The following PRKCQ variants were observed in gnomAD, a reference collection of about 807,000 sequenced individuals.
PRKCQ encodes protein kinase C theta, also known as protein kinase C theta type.
In PRKCQ, 41 loss-of-function variants were observed where a neutral mutation model predicts 91.2. The ratio of observed to expected loss-of-function variants is 0.45; its 90% CI spans 0.35 to 0.58. PRKCQ has a LOEUF of 0.58. Among genes scored for constraint, PRKCQ ranks in the 20% least tolerant of loss-of-function variants. The pLI is 0.00. For missense variants in PRKCQ, 673 were observed against 896.5 expected (o/e 0.75, Z 3.18); for synonymous variants, 307 against 316.9 (o/e 0.97, Z 0.33).
At chr10:6,405,130 C>T in the PRKCQ span, among the ~76,000 whole-genome samples, 10 of 152,168 alleles carry the variant, frequency 6.6e-5, no homozygotes, top group South Asian at 2.1e-4. Flanking sequence ...CACAGGTGCA[C>T]GCCACCACAC....
chr10:6,464,315 C>T lies in PRKCQ; in HGVS notation c.1443G>A (p.Ala481=), dbSNP rs189124512. 2.4e-5 allele frequency: 38 copies of T among 1,612,902 alleles called. No homozygotes were observed. The highest frequency in any genetic ancestry group is 1.5e-4 in the Admixed American group (9 of 59,762). The change falls in exon 13 of 18, where the codon GCG becomes GCA. Residue 481 remains alanine (A), a splice_region_variant and synonymous_variant. Transcript: ENST00000263125. Reference sequence around the variant, plus strand: ...CCAAACCCTTTAAAGCCTCTTACGTCGCTCTGGAAAGGTCGAACTTGTGGC... The same window carrying T: ...CCAAACCCTTTAAAGCCTCTTACGTTGCTCTGGAAAGGTCGAACTTGTGGC... The part of the protein sequence containing the change: ...QSCHKFDLSR[A]TFYAAEIILG...
intron 8 of PRKCQ, among the ~76,000 whole-genome samples, chr10:6,488,387 CT>C (rs71391841): frequency 0.4 from 56,791 of 140,432 alleles, 10,694 homozygotes; most frequent in Middle Eastern, 0.59. Context: ...ATAACTATTA[CT>C]TTTTTTTTTT....
At chr10:6,434,292 A>G (rs1158882953) in intron 16 of PRKCQ, among the ~76,000 whole-genome samples, 7 of 151,976 alleles carry the variant, frequency 4.6e-5, no homozygotes, top group African/African-American at 7.3e-5. Flanking sequence ...TTTCTATTCT[A>G]TTTCTTCCAG....
chr10:6,542,067 C>T (rs1228053934), intron 1 of PRKCQ, among the ~76,000 whole-genome samples: 1 of 152,232 alleles, frequency 6.6e-6, no homozygotes, highest in African/African-American at 2.4e-5. Flanking sequence ...GCCTGGGATG[C>T]ACACATGGAC....
chr10:6,495,843 G>A (rs554291151), intron 7 of PRKCQ, among the ~76,000 whole-genome samples: 110 of 152,158 alleles, frequency 7.2e-4, no homozygotes, highest in African/African-American at 2.6e-3. Flanking sequence ...TTACCTATTG[G>A]GTGTAATATT....
At chr10:6,400,629 CA>C in the PRKCQ span, among the ~76,000 whole-genome samples, 7 of 23,888 alleles carry the variant, frequency 2.9e-4, no homozygotes, top group Admixed American at 1.6e-3. Flanking sequence ...TGCTTCCTTT[CA>C]GAAAAAAAAA....
chr10:6,433,291 A>G (rs999126431), intron 16 of PRKCQ, among the ~76,000 whole-genome samples: 1 of 152,218 alleles, frequency 6.6e-6, no homozygotes, highest in South Asian at 2.1e-4. Context: ...TGTGTACCAC[A>G]CAACATCTTC....
At chr10:6,536,653 T>C (rs546887650) in intron 1 of PRKCQ, among the ~76,000 whole-genome samples, 56 of 152,244 alleles carry the variant, frequency 3.7e-4, no homozygotes, top group African/African-American at 1.2e-3. Flanking sequence ...CAGGCAAAAA[T>C]AGGATGAAGA....
At chr10:6,521,922 G>GTTAT (rs71379861) in intron 1 of PRKCQ, among the ~76,000 whole-genome samples, 8,459 of 63,040 alleles carry the variant, frequency 0.13, 259 homozygotes, top group East Asian at 0.21. Context: ...GTTATGTTAT[G>GTTAT]TTATTTATTT....
intron 8 of PRKCQ, among the ~76,000 whole-genome samples, chr10:6,491,053 T>C (rs1444582801): frequency 1.3e-5 from 2 of 152,226 alleles, no homozygotes; most frequent in Admixed American, 6.5e-5. Flanking sequence ...AATGGCAGGT[T>C]AGGCTCTGCT....
chr10:6,402,591 T>A, the PRKCQ span, among the ~76,000 whole-genome samples: 7 of 152,170 alleles, frequency 4.6e-5, no homozygotes, highest in African/African-American at 1.7e-4. Flanking sequence ...GTAACTACTT[T>A]TTCTGTTCCG....
chr10:6,557,439 C>T (rs1373044945), intron 1 of PRKCQ, among the ~76,000 whole-genome samples: 1 of 152,192 alleles, frequency 6.6e-6, no homozygotes, highest in Non-Finnish European at 1.5e-5. Flanking sequence ...TGACACTGCA[C>T]AGGACACTGT....
rs542823625 is a variant in PRKCQ, at chr10:6,436,993, G to T, written c.1836+4900C>A. Among the ~76,000 whole-genome samples, 75 of 152,256 alleles carry T rather than the reference G, an allele frequency of 4.9e-4. 1 individual carries two copies. The highest frequency in any genetic ancestry group is 1.8e-3 in the African/African-American group (74 of 41,556). ...AAGCTGGCATTTATGGGCCATGAGG[G>T]GTGTTGGGGGATTGTGACTCTCCCT... On this transcript the variant is annotated intron_variant, in intron 16 of 17. Transcript: ENST00000263125.
chr10:6,447,021 T>G (rs1294634127), intron 15 of PRKCQ, among the ~76,000 whole-genome samples: 1 of 152,194 alleles, frequency 6.6e-6, no homozygotes, highest in African/African-American at 2.4e-5. Context: ...AATACCAGTG[T>G]GGTTTCCAGG....
intron 1 of PRKCQ, among the ~76,000 whole-genome samples, chr10:6,523,430 G>A (rs1181126422): frequency 6.6e-6 from 1 of 152,066 alleles, no homozygotes; most frequent in Non-Finnish European, 1.5e-5. Flanking sequence ...CAGCCTGGGC[G>A]ACAAAGCAAG....
chr10:6,500,682 G>C (rs996795304), intron 4 of PRKCQ, among the ~76,000 whole-genome samples: 2 of 151,782 alleles, frequency 1.3e-5, no homozygotes, highest in African/African-American at 4.8e-5. Context: ...TTACTGGTTT[G>C]AATGAGCTCA....
chr10:6,397,015 T>C, the PRKCQ span, among the ~76,000 whole-genome samples: 1 of 152,242 alleles, frequency 6.6e-6, no homozygotes, highest in Non-Finnish European at 1.5e-5. Context: ...TTATTTGCAT[T>C]TCTCTAATGA....
intron 15 of PRKCQ, among the ~76,000 whole-genome samples, chr10:6,451,597 T>C (rs1489217598): frequency 1.3e-5 from 2 of 152,174 alleles, no homozygotes; most frequent in African/African-American, 4.8e-5. Flanking sequence ...ATCATCCTGA[T>C]ACCAAAGCCA....
downstream of PRKCQ, among the ~76,000 whole-genome samples, chr10:6,425,733 T>A (rs1833103049): frequency 6.6e-6 from 1 of 152,024 alleles, no homozygotes; most frequent in African/African-American, 2.4e-5. Flanking sequence ...GGCAGGGGGA[T>A]CATTTGAGTC....
Sources: gnomAD v4.1 joint callset for allele counts (sites outside exome capture counted in the v4.1 genomes callset) on GRCh38, gnomAD v4.1.1 for gene constraint, MANE v1.5 for transcripts, NCBI Gene and HGNC (gene_info 2026-07-23, HGNC 2026-07-21) for gene names.